The following NEDD4 variants were observed in gnomAD, a reference collection of about 807,000 sequenced individuals.
NEDD4 encodes the protein NEDD4 E3 ubiquitin protein ligase.
Under a neutral mutation model 144.9 loss-of-function variants are expected in NEDD4, and 99 were observed. The observed-to-expected ratio is 0.68, with a 90% CI of 0.58 to 0.81. The LOEUF (loss-of-function observed/expected upper bound fraction) is 0.81, where lower values mean the gene tolerates loss of function less well. Among genes scored for constraint, NEDD4 ranks in the 30% least tolerant of loss-of-function variants. The pLI is 0.00. For synonymous variants in NEDD4, 318 were observed against 350.6 expected (o/e 0.91, Z 1.04); for missense variants, 985 against 1,065.9 (o/e 0.92, Z 1.06).
At chr15:55,832,282 C>G (rs1431216586) in intron 27 of NEDD4, among the ~76,000 whole-genome samples, 1 of 151,806 alleles carries the variant, frequency 6.6e-6, no homozygotes, top group South Asian at 2.1e-4. Flanking sequence ...CTGAAGAAAT[C>G]CATTTAACTT....
chr15:55,966,989 C>T (rs1165834789), intron 1 of NEDD4, among the ~76,000 whole-genome samples: 4 of 152,050 alleles, frequency 2.6e-5, no homozygotes, highest in Non-Finnish European at 4.4e-5. Flanking sequence ...CCGGTTCAAG[C>T]GATTCTCATG....
intron 4 of NEDD4, among the ~76,000 whole-genome samples, chr15:55,926,888 C>A (rs1243943728): frequency 6.6e-6 from 1 of 151,848 alleles, no homozygotes; most frequent in East Asian, 1.9e-4. Context: ...CCAGCCTGGC[C>A]AACAGGGTGA....
At chr15:55,844,807 A>ATTT (rs56088235) in intron 18 of NEDD4, among the ~76,000 whole-genome samples, 3 of 138,774 alleles carry the variant, frequency 2.2e-5, no homozygotes, top group South Asian at 2.3e-4. Context: ...CCGGTTTTCA[A>ATTT]TTTTTTTTTT....
chr15:55,957,000 A>T (rs1244456648), intron 2 of NEDD4, among the ~76,000 whole-genome samples: 1 of 152,160 alleles, frequency 6.6e-6, no homozygotes, highest in Admixed American at 6.5e-5. Context: ...TTCAGTGTCC[A>T]TTTATTACAA....
intron 2 of NEDD4, among the ~76,000 whole-genome samples, chr15:55,958,792 T>A (rs942791656): frequency 6.6e-6 from 1 of 152,040 alleles, no homozygotes. Context: ...TTGTGTGTAC[T>A]TCTTTACTGA....
chr15:55,980,431 A>G (rs201655397), intron 1 of NEDD4, among the ~76,000 whole-genome samples: 2 of 113,414 alleles, frequency 1.8e-5, no homozygotes, highest in African/African-American at 3.3e-5. Flanking sequence ...GATCCAAGGG[A>G]AAAAAAAATG....
intron 5 of NEDD4, among the ~76,000 whole-genome samples, chr15:55,923,654 A>AT (rs2036610262): frequency 7.3e-6 from 1 of 136,424 alleles, no homozygotes; most frequent in Non-Finnish European, 1.6e-5. Context: ...TCAAAAAAAA[A>AT]AAAAAATATA....
chr15:55,988,944 T>C (rs1231435714), intron 1 of NEDD4, among the ~76,000 whole-genome samples: 4 of 152,186 alleles, frequency 2.6e-5, no homozygotes, highest in Non-Finnish European at 4.4e-5. Context: ...TTTAAAATAA[T>C]TTTAAAATAG....
At chr15:55,911,185 C>A (rs969291293) in intron 5 of NEDD4, among the ~76,000 whole-genome samples, 1 of 152,140 alleles carries the variant, frequency 6.6e-6, no homozygotes, top group African/African-American at 2.4e-5. Flanking sequence ...CTGGCAATGT[C>A]TGGGGACACT....
At chr15:55,950,106 C>T (rs1214701539) in intron 4 of NEDD4, among the ~76,000 whole-genome samples, 1 of 152,156 alleles carries the variant, frequency 6.6e-6, no homozygotes, top group Non-Finnish European at 1.5e-5. Flanking sequence ...CAAAACCAGA[C>T]ATTATCAAGT....
At chr15:55,882,629 T>C (rs7179116) in intron 5 of NEDD4, among the ~76,000 whole-genome samples, 47,515 of 151,994 alleles carry the variant, frequency 0.31, 7,559 homozygotes, top group South Asian at 0.41. Context: ...AAGTCCTAGT[T>C]CGTACTGGGC....
intron 1 of NEDD4, among the ~76,000 whole-genome samples, chr15:55,969,949 A>T (rs933806131): frequency 1.3e-5 from 2 of 152,088 alleles, no homozygotes; most frequent in Admixed American, 6.5e-5. Flanking sequence ...TAAAGCACCA[A>T]TCAGACTCCT....
At chr15:55,989,321 A>C (rs1031454443) in intron 1 of NEDD4, among the ~76,000 whole-genome samples, 1 of 152,218 alleles carries the variant, frequency 6.6e-6, no homozygotes, top group African/African-American at 2.4e-5. Context: ...CATGAAAAAT[A>C]CTTTACAATG....
intron 5 of NEDD4, among the ~76,000 whole-genome samples, chr15:55,906,235 G>A (rs1405452581): frequency 6.6e-6 from 1 of 152,144 alleles, no homozygotes; most frequent in Non-Finnish European, 1.5e-5. Flanking sequence ...GATTCCTCAC[G>A]GATCTAGAAC....
chr15:55,882,851 C>A (rs1413528338), intron 5 of NEDD4, among the ~76,000 whole-genome samples: 1 of 152,176 alleles, frequency 6.6e-6, no homozygotes, highest in African/African-American at 2.4e-5. Flanking sequence ...AGGACACTTG[C>A]TGACTGAAGA....
intron 1 of NEDD4, among the ~76,000 whole-genome samples, chr15:55,982,991 T>C (rs1471251030): frequency 6.6e-6 from 1 of 151,834 alleles, no homozygotes; most frequent in African/African-American, 2.4e-5. Context: ...GCATGGTGAC[T>C]GGCGCCTGTA....
chr15:55,976,006 G>A (rs1325644625), intron 1 of NEDD4, among the ~76,000 whole-genome samples: 2 of 152,074 alleles, frequency 1.3e-5, no homozygotes, highest in Non-Finnish European at 2.9e-5. Context: ...TTTTGACAAA[G>A]GTGCCATGAA....
intron 5 of NEDD4, chr15:55,916,501 C>T (rs1369885226): frequency 6.2e-7 from 1 of 1,614,094 alleles, no homozygotes; most frequent in East Asian, 2.2e-5. Flanking sequence ...AACGAAGCAT[C>T]ATCACTATCA....
At chr15:55,984,343 G>C (rs1248789621) in intron 1 of NEDD4, among the ~76,000 whole-genome samples, 2 of 152,146 alleles carry the variant, frequency 1.3e-5, no homozygotes, top group Admixed American at 6.5e-5. Context: ...GAAGGTTCTT[G>C]AACAAATCAG....
Sources: gnomAD v4.1 joint callset for allele counts (sites outside exome capture counted in the v4.1 genomes callset) on GRCh38, gnomAD v4.1.1 for gene constraint, MANE v1.5 for transcripts, NCBI Gene and HGNC (gene_info 2026-07-23, HGNC 2026-07-21) for gene names.